KCNH1: variants seen among roughly 807,000 people sequenced by gnomAD.
KCNH1 encodes potassium voltage-gated channel subfamily H member 1, also known as voltage-gated delayed rectifier potassium channel KCNH1.
In KCNH1, 27 loss-of-function variants were observed where a neutral mutation model predicts 69.2. The observed-to-expected ratio is 0.39, with a 90% CI of 0.29 to 0.54. The LOEUF (loss-of-function observed/expected upper bound fraction) is 0.54, where lower values mean the gene tolerates loss of function less well. Ranked by LOEUF, KCNH1 falls within the 20% of genes least tolerant of loss-of-function variation. The pLI is 0.68. For synonymous variants in KCNH1, 456 were observed against 487.7 expected (o/e 0.93, Z 0.86); for missense variants, 798 against 1,261.6 (o/e 0.63, Z 5.57).
chr1:210,836,716 T>C (rs896116030), intron 7 of KCNH1, among the ~76,000 whole-genome samples: 1 of 152,178 alleles, frequency 6.6e-6, no homozygotes, highest in Non-Finnish European at 1.5e-5. Context: ...GAGAGGTACA[T>C]GAATTGTATA....
At chr1:211,088,791 AAC>A (rs1309908609) in intron 4 of KCNH1, among the ~76,000 whole-genome samples, 3 of 152,216 alleles carry the variant, frequency 2.0e-5, no homozygotes, top group Non-Finnish European at 4.4e-5. Context: ...GCTAAGAAGA[AAC>A]AGAGTAAATG....
At chr1:210,713,755 C>G (rs1005187151) in intron 10 of KCNH1, among the ~76,000 whole-genome samples, 1 of 152,132 alleles carries the variant, frequency 6.6e-6, no homozygotes, top group Non-Finnish European at 1.5e-5. Context: ...TCCTGGAAGC[C>G]GTTCCATATA....
At chr1:211,052,416 TAA>T (rs1484456344) in intron 5 of KCNH1, among the ~76,000 whole-genome samples, 5 of 152,236 alleles carry the variant, frequency 3.3e-5, no homozygotes, top group African/African-American at 1.2e-4. Context: ...GTGAGTATTT[TAA>T]AAGACTCTTT....
intron 7 of KCNH1, among the ~76,000 whole-genome samples, chr1:210,875,061 T>A (rs1039915877): frequency 6.6e-6 from 1 of 152,092 alleles, no homozygotes; most frequent in African/African-American, 2.4e-5. Flanking sequence ...AGAAGAGAAA[T>A]GGATACCTAT....
At chr1:210,915,595 C>G (rs1041392935) in intron 7 of KCNH1, among the ~76,000 whole-genome samples, 1 of 152,116 alleles carries the variant, frequency 6.6e-6, no homozygotes, top group South Asian at 2.1e-4. Flanking sequence ...GGCCAAGACC[C>G]CAGAATGGAA....
At chr1:210,958,660 G>T (rs1688231764) in intron 6 of KCNH1, among the ~76,000 whole-genome samples, 1 of 151,938 alleles carries the variant, frequency 6.6e-6, no homozygotes, top group African/African-American at 2.4e-5. Flanking sequence ...TCATTAATTT[G>T]ATCTTCAATC....
At chr1:210,726,816 T>TGGG (rs111681585) in intron 10 of KCNH1, among the ~76,000 whole-genome samples, 36 of 140,480 alleles carry the variant, frequency 2.6e-4, no homozygotes, top group African/African-American at 8.6e-4. Flanking sequence ...CCGGCGGGGG[T>TGGG]GGGGTGGACT....
chr1:211,053,784 C>T (rs1690251148), intron 5 of KCNH1, among the ~76,000 whole-genome samples: 1 of 152,080 alleles, frequency 6.6e-6, no homozygotes, highest in Non-Finnish European at 1.5e-5. Context: ...ACCCAATGGA[C>T]TCCCACCAAA....
rs899858351 is a variant in KCNH1 at position 210,893,931 on chromosome 1, C to T, written c.1462+25709G>A. On this transcript the variant is annotated intron_variant, in intron 7 of 10. Coordinates refer to ENST00000271751, the MANE Select transcript of KCNH1 (RefSeq NM_172362.3). ...TTTATCTTGGACAATGCTTTTTCATCTCTAGAAGCTTGATTTGAACAAAAA... is the reference window on the plus strand; with the variant it reads ...TTTATCTTGGACAATGCTTTTTCATTTCTAGAAGCTTGATTTGAACAAAAA... 4.6e-5 allele frequency among the ~76,000 whole-genome samples: 7 copies of T among 152,210 alleles called. No individual in the cohort carries two copies. The South Asian group carries it at 1.2e-3, about 27-fold the overall frequency.
At chr1:210,793,523 A>G (rs901765766) in intron 9 of KCNH1, among the ~76,000 whole-genome samples, 1 of 152,228 alleles carries the variant, frequency 6.6e-6, no homozygotes, top group Non-Finnish European at 1.5e-5. Flanking sequence ...TACTTTCCTT[A>G]GAAGGGCTTT....
chr1:210,834,283 T>C (rs1274265507), intron 7 of KCNH1, among the ~76,000 whole-genome samples: 2 of 149,578 alleles, frequency 1.3e-5, no homozygotes, highest in African/African-American at 2.5e-5. Context: ...TTGGAACCAA[T>C]CCAAATGTCC....
intron 6 of KCNH1, among the ~76,000 whole-genome samples, chr1:210,931,852 A>AC (rs1363758268): frequency 6.6e-6 from 1 of 151,760 alleles, no homozygotes; most frequent in Non-Finnish European, 1.5e-5. Context: ...TAAAAAAAAA[A>AC]ACAATCCAGG....
chr1:210,923,446 A>G (rs1184043167), intron 6 of KCNH1, among the ~76,000 whole-genome samples: 1 of 152,074 alleles, frequency 6.6e-6, no homozygotes, highest in East Asian at 1.9e-4. Context: ...TCCTTTCTCC[A>G]TCCTTCCTCA....
chr1:211,123,537 CAG>C (rs1210719163), intron 1 of KCNH1, among the ~76,000 whole-genome samples: 9 of 151,954 alleles, frequency 5.9e-5, no homozygotes, highest in Non-Finnish European at 1.2e-4. Flanking sequence ...TGGACAGTGG[CAG>C]AGACAGCAAA....
chr1:211,113,223 A>T (rs1691505663), intron 1 of KCNH1, among the ~76,000 whole-genome samples: 1 of 152,190 alleles, frequency 6.6e-6, no homozygotes, highest in African/African-American at 2.4e-5. Flanking sequence ...ACCAGGGTAA[A>T]GTTGGGATTT....
At chr1:210,873,565 G>C (rs1039342114) in intron 7 of KCNH1, among the ~76,000 whole-genome samples, 1 of 151,814 alleles carries the variant, frequency 6.6e-6, no homozygotes, top group Middle Eastern at 3.2e-3. Context: ...TGTTTGCCAG[G>C]CTTGAACTCC....
intron 6 of KCNH1, among the ~76,000 whole-genome samples, chr1:210,965,280 G>A (rs562334575): frequency 4.6e-4 from 70 of 152,136 alleles, no homozygotes; most frequent in African/African-American, 1.7e-3. Context: ...GAAATAAAGG[G>A]TATTTAATTA....
At chr1:210,718,911 G>C (rs1180208016) in intron 10 of KCNH1, among the ~76,000 whole-genome samples, 3 of 151,814 alleles carry the variant, frequency 2.0e-5, no homozygotes. Flanking sequence ...GAAGACTCAA[G>C]AGTCTGTGGG....
intron 6 of KCNH1, among the ~76,000 whole-genome samples, chr1:211,012,391 T>C (rs1014605064): frequency 5.9e-5 from 9 of 152,268 alleles, no homozygotes; most frequent in African/African-American, 1.9e-4. Flanking sequence ...ACCAGTGCTA[T>C]AGAGTGATGA....
Sources: allele counts gnomAD v4.1 joint callset (sites outside exome capture counted in the v4.1 genomes callset), GRCh38; gene constraint gnomAD v4.1.1; transcripts MANE v1.5; gene names NCBI Gene and HGNC (gene_info 2026-07-23, HGNC 2026-07-21).